Variants in SATB2 observed in about 807,000 individuals in gnomAD.
The protein encoded by SATB2 is DNA-binding protein SATB2.
Under a neutral mutation model 73.4 loss-of-function variants are expected in SATB2, and 1 was observed. That is an observed-to-expected ratio of 0.01 (90% CI 0.00 to 0.06). The LOEUF is 0.06. Ranked by LOEUF, SATB2 falls within the 10% of genes least tolerant of loss-of-function variation. The pLI is 1.00. For missense variants in SATB2, 459 were observed against 945.8 expected, an observed-to-expected ratio of 0.49 and a Z score of 6.75; for synonymous variants, 397 against 367.0, an observed-to-expected ratio of 1.08 and a Z score of -0.93.
chr2:199,275,333 T>C (rs143059185), intron 10 of SATB2, among the ~76,000 whole-genome samples: 2 of 152,272 alleles, frequency 1.3e-5, no homozygotes, highest in East Asian at 1.9e-4. Context: ...GCACTAGTAA[T>C]ACATATGTAC....
chr2:199,363,893 T>A (rs1379597780), intron 6 of SATB2, among the ~76,000 whole-genome samples: 1 of 152,192 alleles, frequency 6.6e-6, no homozygotes, highest in African/African-American at 2.4e-5. Context: ...CAGACAAACT[T>A]CCTTACAGAA....
chr2:199,398,019 TAAC>T (rs1690354372), intron 3 of SATB2, among the ~76,000 whole-genome samples: 1 of 152,214 alleles, frequency 6.6e-6, no homozygotes, highest in Non-Finnish European at 1.5e-5. Context: ...ATGTTAGAAT[TAAC>T]AACAAGAAAT....
At chr2:199,425,939 G>C (rs1388840164) in intron 3 of SATB2, among the ~76,000 whole-genome samples, 4 of 152,056 alleles carry the variant, frequency 2.6e-5, no homozygotes, top group Non-Finnish European at 5.9e-5. Flanking sequence ...CAAAGCATGG[G>C]GTCTGTTGAA....
intron 10 of SATB2, among the ~76,000 whole-genome samples, chr2:199,299,786 G>C: frequency 6.6e-6 from 1 of 152,090 alleles, no homozygotes; most frequent in Non-Finnish European, 1.5e-5. Flanking sequence ...CCTAACAGCA[G>C]GCTTATCGAT....
At chr2:199,279,660 A>G (rs1194304766) in intron 10 of SATB2, among the ~76,000 whole-genome samples, 2 of 152,218 alleles carry the variant, frequency 1.3e-5, no homozygotes, top group Non-Finnish European at 2.9e-5. Flanking sequence ...CCAAAGCTTC[A>G]GGTCCTGTAG....
chr2:199,450,937 G>A (rs1451693302), intron 2 of SATB2, among the ~76,000 whole-genome samples: 1 of 151,950 alleles, frequency 6.6e-6, no homozygotes, highest in Non-Finnish European at 1.5e-5. Flanking sequence ...AGATAGATTG[G>A]TTAAAACAAA....
upstream of SATB2, chr2:199,460,376 C>A (rs1692449614): frequency 6.6e-6 from 1 of 152,340 alleles, no homozygotes; most frequent in East Asian, 1.9e-4. This position sits in a 1 kb window ranked among gnomAD's most constrained non-coding sequence, Gnocchi z 4.0. Flanking sequence ...TCAAACTTAG[C>A]CCGTTTACAA....
rs934509671 is a variant in SATB2, at chr2:199,463,871, C to A, written c.-141+965G>T. 1.3e-5 allele frequency among the ~76,000 whole-genome samples: 2 copies of A among 152,190 alleles called. No individual in the cohort carries two copies. Among genetic ancestry groups the A allele is most frequent in the African/African-American group, 4.8e-5 (2 of 41,460 alleles). ...CAGGCGTCCAGAAATCCGCTCCCAC[C>A]CCTCGTAGGGGCAGGCAAGCTCAGG... On this transcript the variant is annotated intron_variant, in intron 1 of 11. Coordinates refer to the SATB2 transcript ENST00000260926. The surrounding 1 kb of genome is among the most constrained non-coding windows in gnomAD (Gnocchi z 6.4).
intron 3 of SATB2, among the ~76,000 whole-genome samples, chr2:199,427,832 G>A (rs1292250592): frequency 1.3e-5 from 2 of 152,078 alleles, no homozygotes; most frequent in Non-Finnish European, 2.9e-5. Context: ...CAATAAAATT[G>A]TCCTTGAAAG....
Position 199,342,071 on chromosome 2 carries a change from G to A in SATB2, c.1173+6630C>T, listed in dbSNP as rs1051713888. Among the ~76,000 whole-genome samples, 6 of 152,188 alleles carry A rather than the reference G, an allele frequency of 3.9e-5. No individual in the cohort carries two copies. The East Asian group carries it at 1.2e-3, about 29-fold the overall frequency. On this transcript the variant is annotated intron_variant, in intron 7 of 10. Transcript: ENST00000417098. Reference sequence around the variant, plus strand: ...GTGGTAAGCATTTCCAACTCTGCCAGGATGAGCAGAGAAAATCAGTAGCCC... The same window carrying A: ...GTGGTAAGCATTTCCAACTCTGCCAAGATGAGCAGAGAAAATCAGTAGCCC...
chr2:199,322,023 A>G (rs1397903698), intron 9 of SATB2, among the ~76,000 whole-genome samples: 1 of 152,178 alleles, frequency 6.6e-6, no homozygotes, highest in African/African-American at 2.4e-5. Flanking sequence ...TTGGAGAGCT[A>G]AGCTTCTGCC....
At chr2:199,285,237 A>C (rs950161105) in intron 10 of SATB2, among the ~76,000 whole-genome samples, 4 of 152,132 alleles carry the variant, frequency 2.6e-5, no homozygotes, top group African/African-American at 9.7e-5. Context: ...ACTCAATAGT[A>C]AAAACATCCT....
At chr2:199,416,665 C>A (rs147144387) in intron 3 of SATB2, among the ~76,000 whole-genome samples, 93 of 152,274 alleles carry the variant, frequency 6.1e-4, no homozygotes, top group African/African-American at 2.0e-3. Context: ...TAAACTACTA[C>A]TTTTGAATTC....
chr2:199,426,692 C>CAAAAAAA (rs200293007), intron 3 of SATB2, among the ~76,000 whole-genome samples: 1 of 128,268 alleles, frequency 7.8e-6, no homozygotes, highest in African/African-American at 3.3e-5. Flanking sequence ...CATTCTCTCT[C>CAAAAAAA]AAAAAAAAAA....
At chr2:199,442,673 G>A (rs76631669) in intron 2 of SATB2, among the ~76,000 whole-genome samples, 1,881 of 152,278 alleles carry the variant, frequency 0.012, 42 homozygotes, top group African/African-American at 0.043. Context: ...GTTGAGCTTA[G>A]GAGTTCGAGG....
At chr2:199,303,576 C>T (rs1159019706) in intron 10 of SATB2, among the ~76,000 whole-genome samples, 1 of 152,078 alleles carries the variant, frequency 6.6e-6, no homozygotes, top group Non-Finnish European at 1.5e-5. Context: ...GGGGGTTGCC[C>T]TGTGCATGGT....
At chr2:199,434,964 T>G (rs1300669878) in intron 2 of SATB2, among the ~76,000 whole-genome samples, 1 of 152,208 alleles carries the variant, frequency 6.6e-6, no homozygotes, top group African/African-American at 2.4e-5. Flanking sequence ...TTATTAAATA[T>G]AATCCTTATT....
At chr2:199,378,519 T>C (rs888552922) in intron 5 of SATB2, among the ~76,000 whole-genome samples, 1 of 152,198 alleles carries the variant, frequency 6.6e-6, no homozygotes, top group Non-Finnish European at 1.5e-5. Context: ...GGTATTAAAA[T>C]GGCCTCCATG....
At chr2:199,469,180 G>A (rs1466613886), upstream of SATB2, among the ~76,000 whole-genome samples, 1 of 152,228 alleles carries the variant, frequency 6.6e-6, no homozygotes, top group Non-Finnish European at 1.5e-5. Flanking sequence ...GCCCACTACA[G>A]GCAAGGCAGG....
Sources: allele counts gnomAD v4.1 joint callset (sites outside exome capture counted in the v4.1 genomes callset), GRCh38; gene constraint gnomAD v4.1.1; non-coding constraint Gnocchi (gnomAD v3.1); transcripts MANE v1.5; gene names NCBI Gene and HGNC (gene_info 2026-07-23, HGNC 2026-07-21).